The following SLC4A4 variants were observed in gnomAD, a reference collection of about 807,000 sequenced individuals.
SLC4A4 encodes the protein electrogenic sodium bicarbonate cotransporter 1.
A neutral mutation model predicts 111.5 loss-of-function variants in SLC4A4; 27 were observed. The observed-to-expected ratio is 0.24, with a 90% CI of 0.18 to 0.33. The LOEUF is 0.33. Among genes scored for constraint, SLC4A4 ranks in the 10% least tolerant of loss-of-function variants. The probability of loss-of-function intolerance (pLI) is 1.00; values close to 1 mark genes in which losing one functional copy is unlikely to be tolerated. For synonymous variants in SLC4A4, 443 were observed against 463.4 expected (o/e 0.96, Z 0.57); for missense variants, 909 against 1,315.5 (o/e 0.69, Z 4.78).
chr4:71,492,443 A>G (rs1730015764), intron 15 of SLC4A4, among the ~76,000 whole-genome samples: 2 of 151,964 alleles, frequency 1.3e-5, no homozygotes. Context: ...AAATAGATTG[A>G]AATCTCTTTT....
chr4:71,338,361 G>A (rs1728596522), intron 3 of SLC4A4, among the ~76,000 whole-genome samples: 1 of 152,080 alleles, frequency 6.6e-6, no homozygotes. Context: ...GTGTGTATGT[G>A]TGTCTATCCA....
chr4:71,532,901 T>A (rs541171100), intron 17 of SLC4A4, among the ~76,000 whole-genome samples: 2 of 152,298 alleles, frequency 1.3e-5, no homozygotes, highest in East Asian at 3.9e-4. Context: ...TAATGTGAAT[T>A]GTAATTATTA....
intron 5 of SLC4A4, among the ~76,000 whole-genome samples, chr4:71,354,964 A>G (rs1317666598): frequency 6.6e-6 from 1 of 152,182 alleles, no homozygotes; most frequent in Non-Finnish European, 1.5e-5. Context: ...CGAAGGCTTA[A>G]TTTCAGTGTA....
At chr4:71,558,004 C>T in intron 22 of SLC4A4, 119 bp downstream of exon 22, 1 of 802,920 alleles carries the variant, frequency 1.2e-6, no homozygotes. Flanking sequence ...GCTTTGACCT[C>T]ATCACTTTGA....
At position 71,407,722 on chromosome 4, in the gene SLC4A4, T is replaced by A. The variant is rs189014601; in HGVS notation, c.807+10069T>A. Among the ~76,000 whole-genome samples the A allele has an allele frequency of 3.9e-3, 586 of 152,172 alleles. 3 individuals carry two copies. The highest frequency in any genetic ancestry group is 6.1e-3 in the Admixed American group (94 of 15,288). ...AATAAATGGAAATTATTGTGGCTTTTAGAATTATTTGAAATAATAGCCAAA... is the reference window on the plus strand; with the variant it reads ...AATAAATGGAAATTATTGTGGCTTTAAGAATTATTTGAAATAATAGCCAAA... On this transcript the variant is annotated intron_variant, in intron 7 of 25. Coordinates refer to ENST00000264485, the MANE Select transcript of SLC4A4 (RefSeq NM_001098484.3).
At chr4:71,288,810 A>T (rs1428209012) in intron 3 of SLC4A4, among the ~76,000 whole-genome samples, 2 of 152,168 alleles carry the variant, frequency 1.3e-5, no homozygotes, top group Non-Finnish European at 2.9e-5. Flanking sequence ...AAAAATCTCC[A>T]TGGAAATGAT....
At chr4:71,387,857 A>C (rs950081148) in intron 6 of SLC4A4, among the ~76,000 whole-genome samples, 2 of 152,150 alleles carry the variant, frequency 1.3e-5, no homozygotes, top group East Asian at 3.9e-4. Flanking sequence ...TGAATCAGTA[A>C]AATTTTCCTA....
At chr4:71,385,192 T>TATATATA (rs1553902344) in intron 6 of SLC4A4, among the ~76,000 whole-genome samples, 1 of 5,888 alleles carries the variant, frequency 1.7e-4, no homozygotes, top group African/African-American at 2.7e-4. Context: ...TATATATATA[T>TATATATA]TTTTTTTTTT....
At chr4:71,161,209 C>T (rs936057377) in intron 2 of SLC4A4, among the ~76,000 whole-genome samples, 7 of 152,192 alleles carry the variant, frequency 4.6e-5, no homozygotes, top group African/African-American at 1.4e-4. Context: ...ATAGGCTTCT[C>T]ACTGTGCATT....
Position 71,568,762 on chromosome 4 carries a change from A to C in SLC4A4, c.*1011A>C, listed in dbSNP as rs939049050. The C allele has an allele frequency of 6.6e-5, 10 of 152,196 alleles. No homozygotes were observed. Among genetic ancestry groups the C allele is most frequent in the African/African-American group, 2.4e-4 (10 of 41,396 alleles). The allele number at this position is 152,196 out of a possible 1,614,324, so 9.4% of individuals were successfully genotyped here. ...GTATTGTATATAATGTGATTTTTACACATACATACACACACAAATACACAA... is the reference window on the plus strand; with the variant it reads ...GTATTGTATATAATGTGATTTTTACCCATACATACACACACAAATACACAA... On this transcript the variant is annotated 3_prime_UTR_variant, in exon 26 of 26. Transcript: ENST00000264485.
intron 2 of SLC4A4, among the ~76,000 whole-genome samples, chr4:71,168,294 G>A (rs1245195835): frequency 1.4e-5 from 2 of 146,572 alleles, no homozygotes; most frequent in African/African-American, 5.1e-5. Context: ...TGATTCTCCT[G>A]CCTCAGCCTC....
intron 3 of SLC4A4, among the ~76,000 whole-genome samples, chr4:71,298,240 A>G (rs939823854): frequency 1.3e-5 from 2 of 152,242 alleles, no homozygotes; most frequent in African/African-American, 4.8e-5. Flanking sequence ...CATATGAACT[A>G]ATATACCCAG....
In SLC4A4 at chr4:71,570,207, A is replaced by C. The variant is rs2149264543; in HGVS notation, c.*2456A>C. ...TTTCATGCCCCTCTCTATACCTTTC[A>C]AAGAACTCCTGAAGCAACTTAACTC... On this transcript the variant is annotated 3_prime_UTR_variant, in exon 26 of 26. Coordinates refer to ENST00000264485, the MANE Select transcript of SLC4A4 (RefSeq NM_001098484.3). 6.8e-6 allele frequency: 1 copy of C among 147,524 alleles called. No individual in the cohort carries two copies. Among genetic ancestry groups the C allele is most frequent in the African/African-American group, 2.5e-5 (1 of 40,472 alleles). The allele number at this position is 147,524 out of a possible 1,614,324, so 9.1% of individuals were successfully genotyped here. A position where few individuals can be genotyped will look rare whatever the true frequency, so the allele number is the denominator to read the frequency against.
intron 2 of SLC4A4, among the ~76,000 whole-genome samples, chr4:71,180,769 C>T (rs980949539): frequency 6.6e-6 from 1 of 152,286 alleles, no homozygotes; most frequent in Middle Eastern, 3.4e-3. Flanking sequence ...ACTAATTCAA[C>T]CATTGTGGAA....
chr4:71,288,154 C>T (rs1426004888), intron 3 of SLC4A4, among the ~76,000 whole-genome samples: 1 of 152,068 alleles, frequency 6.6e-6, no homozygotes, highest in Non-Finnish European at 1.5e-5. Flanking sequence ...CTAGGGGAGG[C>T]TGTGTCAGAA....
At chr4:71,547,351 T>C (rs1735626840) in intron 19 of SLC4A4, among the ~76,000 whole-genome samples, 1 of 151,948 alleles carries the variant, frequency 6.6e-6, no homozygotes, top group South Asian at 2.1e-4. Flanking sequence ...GTCCAGTAAT[T>C]GATGGACCAA....
rs547267161 is a variant in SLC4A4, at chr4:71,570,593, C to T, written c.*2842C>T. 6.6e-6 allele frequency: 1 copy of T among 152,232 alleles called. No individual in the cohort carries two copies. Among genetic ancestry groups the T allele is most frequent in the African/African-American group, 2.4e-5 (1 of 41,476 alleles). 9.4% of individuals were successfully genotyped at this position (152,232 alleles called of 1,614,324 possible). Reference sequence around the variant, plus strand: ...GTAAATTTTTTTATAAGTGCTTCTCCCTTCTCCATGATGTGACTTCCGGAG... The same window carrying T: ...GTAAATTTTTTTATAAGTGCTTCTCTCTTCTCCATGATGTGACTTCCGGAG... On this transcript the variant is annotated 3_prime_UTR_variant, in exon 26 of 26. Transcript: ENST00000264485.
chr4:71,287,330 AAAT>A (rs1346069396), intron 3 of SLC4A4, among the ~76,000 whole-genome samples: 14 of 152,370 alleles, frequency 9.2e-5, no homozygotes, highest in Non-Finnish European at 1.5e-4. Context: ...AACTTGATAA[AAAT>A]AGGATTTCAC....
Position 71,423,213 on chromosome 4 carries a change from A to T in SLC4A4, c.808-17403A>T, listed in dbSNP as rs1286422369. The stretch of plus-strand genomic sequence containing the variant: ...CCAATAACAGACAAACAGAGAGCCA[A>T]ATCATGAGTGAACTCCCATTAACAA... On this transcript the variant is annotated intron_variant, in intron 7 of 25. Transcript: ENST00000264485. Among the ~76,000 whole-genome samples, 6 of 152,238 alleles carry T rather than the reference A, an allele frequency of 3.9e-5. No individual in the cohort carries two copies. In the East Asian group the frequency reaches 7.7e-4, roughly 20 times the overall value.
Sources: allele counts gnomAD v4.1 joint callset (sites outside exome capture counted in the v4.1 genomes callset), GRCh38; gene constraint gnomAD v4.1.1; transcripts MANE v1.5; gene names NCBI Gene and HGNC (gene_info 2026-07-23, HGNC 2026-07-21).